The following BTRC variants were observed in gnomAD, a reference collection of about 807,000 sequenced individuals.
The protein encoded by BTRC is F-box/WD repeat-containing protein 1A.
A neutral mutation model predicts 85.5 loss-of-function variants in BTRC; 42 were observed. That is an observed-to-expected ratio of 0.49 (90% confidence interval 0.38 to 0.64). The LOEUF (loss-of-function observed/expected upper bound fraction) is 0.64, where lower values mean the gene tolerates loss of function less well. Ranked by LOEUF, BTRC falls within the 30% of genes least tolerant of loss-of-function variation. The pLI, the probability that BTRC is intolerant of heterozygous loss-of-function variation, is 0.00. For missense variants in BTRC, 594 were observed against 743.5 expected (o/e 0.80, Z 2.34); for synonymous variants, 255 against 263.3 (o/e 0.97, Z 0.30).
rs1036544388 is a variant in BTRC at position 101,555,716 on chromosome 10, C to T, written c.*2593C>T. 1.4e-4 allele frequency: 22 copies of T among 152,544 alleles called. No homozygotes were observed. The highest frequency in any genetic ancestry group is 1.9e-4 in the East Asian group (1 of 5,202). The allele number at this position is 152,544 out of a possible 1,614,324, so 9.4% of individuals were successfully genotyped here. On this transcript the variant is annotated 3_prime_UTR_variant, in exon 15 of 15. Transcript: ENST00000370187. ...AATGTAAAGTTTGACCTTTTTAAAACGAAAAGAGAGACAAAGTCTCAGCAC... is the reference window on the plus strand; with the variant it reads ...AATGTAAAGTTTGACCTTTTTAAAATGAAAAGAGAGACAAAGTCTCAGCAC...
intron 3 of BTRC, among the ~76,000 whole-genome samples, chr10:101,475,922 C>CATATATATAT (rs71016324): frequency 0.14 from 9,155 of 66,664 alleles, 1,337 homozygotes; most frequent in Admixed American, 0.17. Flanking sequence ...AGTATTTTGC[C>CATATATATAT]ATATATATAT....
At chr10:101,531,092 A>G in intron 6 of BTRC, 145 bp from the exon 7 acceptor site, 1 of 575,510 alleles carries the variant, frequency 1.7e-6, no homozygotes, top group Admixed American at 3.0e-5. Context: ...AATCACTTGA[A>G]CCCAGGAAGC....
In BTRC at chr10:101,521,759, C is replaced by G; in HGVS notation, c.445C>G (p.Gln149Glu). 6.2e-7 allele frequency: 1 copy of G among 1,614,024 alleles called. No homozygotes were observed. Among genetic ancestry groups the G allele is most frequent in the African/African-American group, 1.3e-5 (1 of 75,030 alleles). Residue 149 changes from glutamine to glutamate, a missense_variant, in exon 5 of 15, where the codon CAA becomes GAA. Physicochemically the swap from Gln to Glu is conservative, Grantham distance 29. Around this residue, in one of 4 missense-constraint regions of BTRC, gnomAD observed 163 missense variants for 180.5 expected, o/e 0.90. Coordinates refer to ENST00000370187, the MANE Select transcript of BTRC (RefSeq NM_033637.4). ...CTTTGAGCAGTGGTCAGAGTCAGAT[C>G]AAGTGGAATTTGTGGAACATCTTAT... ...KYFEQWSESD[Q>E]VEFVEHLISQ...
intron 3 of BTRC, among the ~76,000 whole-genome samples, chr10:101,468,504 A>C (rs1049928127): frequency 6.6e-6 from 1 of 152,170 alleles, no homozygotes; most frequent in Non-Finnish European, 1.5e-5. Context: ...CTTTGCATCT[A>C]TTGAACAAGA....
chr10:101,390,911 T>C (rs568467406), intron 1 of BTRC, among the ~76,000 whole-genome samples: 11 of 152,344 alleles, frequency 7.2e-5, no homozygotes, highest in Admixed American at 5.9e-4. Flanking sequence ...TTTTATACTT[T>C]TTAAGACTTG....
At chr10:101,522,367 CAAAAAAAAACAAAAAA>C (rs2062124114) in intron 5 of BTRC, among the ~76,000 whole-genome samples, 1 of 21,416 alleles carries the variant, frequency 4.7e-5, no homozygotes, top group African/African-American at 2.6e-4. Flanking sequence ...AAAAAAAAAA[CAAAAAAAAACAAAAAA>C]AAAAAAACTC....
At chr10:101,541,286 GT>G (rs2062463132) in intron 13 of BTRC, among the ~76,000 whole-genome samples, 1 of 151,386 alleles carries the variant, frequency 6.6e-6, no homozygotes, top group African/African-American at 2.4e-5. Context: ...TTGAGACGGA[GT>G]CTCGCTCTTT....
intron 2 of BTRC, among the ~76,000 whole-genome samples, chr10:101,437,084 G>A (rs1944552567): frequency 6.6e-6 from 1 of 152,106 alleles, no homozygotes; most frequent in African/African-American, 2.4e-5. Flanking sequence ...TATTGTATAT[G>A]AATAATTTCT....
At chr10:101,433,301 A>G (rs1314435659) in intron 2 of BTRC, among the ~76,000 whole-genome samples, 1 of 152,210 alleles carries the variant, frequency 6.6e-6, no homozygotes, top group East Asian at 1.9e-4. Context: ...CTATTAAATC[A>G]CATAATTCTG....
chr10:101,410,495 A>G (rs1055429076), intron 1 of BTRC, among the ~76,000 whole-genome samples: 1 of 152,028 alleles, frequency 6.6e-6, no homozygotes, highest in Non-Finnish European at 1.5e-5. Context: ...CGTGCCTGTA[A>G]TCCCAGCTGC....
intron 13 of BTRC, among the ~76,000 whole-genome samples, chr10:101,543,946 G>A (rs2062517903): frequency 1.3e-5 from 2 of 152,126 alleles, no homozygotes; most frequent in South Asian, 4.1e-4. Flanking sequence ...GTCTTGCTCT[G>A]TCACCCAGGC....
intron 3 of BTRC, among the ~76,000 whole-genome samples, chr10:101,467,054 CAA>C (rs1412828134): frequency 6.6e-6 from 1 of 152,136 alleles, no homozygotes; most frequent in Non-Finnish European, 1.5e-5. Flanking sequence ...ACCACAACAA[CAA>C]AAAGTCATTC....
intron 4 of BTRC, among the ~76,000 whole-genome samples, chr10:101,497,224 T>C (rs925598405): frequency 1.3e-5 from 2 of 152,218 alleles, no homozygotes; most frequent in African/African-American, 4.8e-5. Context: ...TTTATCAAAA[T>C]CTTGAACTCT....
chr10:101,430,549 C>T, intron 2 of BTRC, 97 bp downstream of exon 2: 1 of 908,244 alleles, frequency 1.1e-6, no homozygotes, highest in Admixed American at 2.3e-5. Flanking sequence ...TACTTATATT[C>T]ATCTTTTCTC....
At chr10:101,542,277 ATTTTT>A (rs941780424) in intron 13 of BTRC, among the ~76,000 whole-genome samples, 1 of 147,848 alleles carries the variant, frequency 6.8e-6, no homozygotes, top group Non-Finnish European at 1.5e-5. Context: ...GGTTTCATTG[ATTTTT>A]TTTTTTTATT....
intron 2 of BTRC, among the ~76,000 whole-genome samples, chr10:101,460,880 A>T (rs1945205786): frequency 6.6e-6 from 1 of 152,222 alleles, no homozygotes; most frequent in Middle Eastern, 3.4e-3. Flanking sequence ...TATGTAATGT[A>T]AGGAATATAT....
In BTRC at chr10:101,521,862, C is replaced by T; in HGVS notation, c.548C>T (p.Ala183Val). The T allele has an allele frequency of 3.1e-6, 5 of 1,606,818 alleles. No individual in the cohort carries two copies. The highest frequency in any genetic ancestry group is 2.2e-5 in the East Asian group (1 of 44,834). Residue 183 changes from alanine to valine, a missense_variant, in exon 5 of 15, where the codon GCT (alanine) becomes GTT (valine). Around this residue, in one of 4 missense-constraint regions of BTRC, gnomAD observed 373 missense variants for 503.6 expected, o/e 0.74. Transcript: ENST00000370187. Reference sequence around the variant, plus strand: ...ATGTTGCAGAGAGATTTCATAACTGCTCTGCCAGGTATGTCTACAAGTGTT... The same window carrying T: ...ATGTTGCAGAGAGATTTCATAACTGTTCTGCCAGGTATGTCTACAAGTGTT... The part of the protein sequence containing the change: ...KPMLQRDFIT[A>V]LPARGLDHIA...
intron 4 of BTRC, among the ~76,000 whole-genome samples, chr10:101,509,833 A>G (rs571555607): frequency 3.4e-5 from 5 of 148,816 alleles, no homozygotes; most frequent in Non-Finnish European, 7.4e-5. Flanking sequence ...AAATTCTGGG[A>G]TTACAGGCAT....
At position 101,554,191 on chromosome 10, in the gene BTRC, G is replaced by A. The variant is rs2062696417; in HGVS notation, c.*1068G>A. The A allele has an allele frequency of 6.6e-6, 1 of 152,180 alleles. No individual in the cohort carries two copies. Among genetic ancestry groups the A allele is most frequent in the Admixed American group, 6.5e-5 (1 of 15,286 alleles). 9.4% of individuals were successfully genotyped at this position (152,180 alleles called of 1,614,324 possible). ...TGCATTTCCTCTCATTAACAATTGG[G>A]TGTGTAATAAAAAGCATTGTACTTC... is the stretch of plus-strand genomic sequence containing the variant. On this transcript the variant is annotated 3_prime_UTR_variant, in exon 15 of 15. Coordinates refer to ENST00000370187, the MANE Select transcript of BTRC (RefSeq NM_033637.4).
Sources: gnomAD v4.1 joint callset for allele counts (sites outside exome capture counted in the v4.1 genomes callset) on GRCh38, gnomAD v4.1.1 for gene constraint, gnomAD v4.1.1 regional missense constraint, MANE v1.5 for transcripts, NCBI Gene and HGNC (gene_info 2026-07-23, HGNC 2026-07-21) for gene names.